AGAP1: variants seen among roughly 807,000 people sequenced by gnomAD.
AGAP1 encodes the protein ArfGAP with GTPase domain, ankyrin repeat and PH domain 1.
In AGAP1, 29 loss-of-function variants were observed where a neutral mutation model predicts 105.3. That is an observed-to-expected ratio of 0.28 (90% confidence interval 0.21 to 0.38). The LOEUF (loss-of-function observed/expected upper bound fraction) is 0.38, where lower values mean the gene tolerates loss of function less well. AGAP1 is among the 10% of genes least tolerant of loss of function. The pLI, the probability that AGAP1 is intolerant of heterozygous loss-of-function variation, is 1.00. For missense variants in AGAP1, 998 were observed against 1,165.1 expected (o/e 0.86, Z 2.09); for synonymous variants, 509 against 485.9 (o/e 1.05, Z -0.63).
At chr2:235,772,824 C>T (rs981462508) in intron 6 of AGAP1, among the ~76,000 whole-genome samples, 3 of 152,212 alleles carry the variant, frequency 2.0e-5, no homozygotes, top group African/African-American at 7.2e-5. Context: ...GCAAGCGGGT[C>T]TCTCTCTGAC....
chr2:235,947,636 C>A (rs2053556941), intron 12 of AGAP1, among the ~76,000 whole-genome samples: 1 of 152,132 alleles, frequency 6.6e-6, no homozygotes, highest in Non-Finnish European at 1.5e-5. Flanking sequence ...TGTCATCTCC[C>A]CCCGACCAGA....
At chr2:235,774,518 C>A in intron 6 of AGAP1, 1 of 334,066 alleles carries the variant, frequency 3.0e-6, no homozygotes, top group Non-Finnish European at 6.2e-6. Flanking sequence ...AGTGTAGTAG[C>A]CTAAAAATTG....
chr2:235,495,771 C>T (rs761511075), intron 1 of AGAP1, among the ~76,000 whole-genome samples: 2 of 152,226 alleles, frequency 1.3e-5, no homozygotes, highest in Admixed American at 6.5e-5. Flanking sequence ...GGCCAAGACT[C>T]ACCTGGGGCA....
chr2:235,926,654 G>C (rs1446616756), intron 11 of AGAP1, among the ~76,000 whole-genome samples: 1 of 152,186 alleles, frequency 6.6e-6, no homozygotes, highest in Non-Finnish European at 1.5e-5. Context: ...ATAGTGAATG[G>C]GTATATTTTG....
chr2:236,034,594 A>G (rs574800685), intron 13 of AGAP1, among the ~76,000 whole-genome samples: 2 of 152,048 alleles, frequency 1.3e-5, no homozygotes, highest in African/African-American at 4.8e-5. Flanking sequence ...TGAGAGCACA[A>G]AGGACACCCC....
intron 6 of AGAP1, among the ~76,000 whole-genome samples, chr2:235,790,888 A>G (rs1324028763): frequency 2.6e-5 from 4 of 152,220 alleles, no homozygotes; most frequent in Non-Finnish European, 5.9e-5. Flanking sequence ...ACTCTTTAGT[A>G]GACGGCACAG....
chr2:235,762,955 T>C (rs924555475), intron 6 of AGAP1, among the ~76,000 whole-genome samples: 2 of 152,082 alleles, frequency 1.3e-5, no homozygotes, highest in Admixed American at 6.5e-5. Context: ...AGAAGAAAGA[T>C]GATTTTTAAA....
Position 235,750,594 on chromosome 2 carries a change from C to T in AGAP1, c.673+106C>T, listed in dbSNP as rs568109133. 272 of 1,524,658 alleles carry T rather than the reference C, an allele frequency of 1.8e-4. 4 individuals are homozygous for T. The East Asian group carries it at 2.6e-3, about 15-fold the overall frequency. The allele number at this position is 1,524,658 out of a possible 1,614,324, so 94.4% of individuals were successfully genotyped here. On this transcript the variant is annotated intron_variant, in intron 6 of 17. Coordinates refer to ENST00000304032, the MANE Select transcript of AGAP1 (RefSeq NM_001037131.3). This position sits in a 1 kb window ranked among gnomAD's most constrained non-coding sequence, Gnocchi z 5.3. ...GTGCATGTGGGTGGTGGAAATATGTCGTTGATGGGTGGGCATTAGTATCGA... is the reference window on the plus strand; with the variant it reads ...GTGCATGTGGGTGGTGGAAATATGTTGTTGATGGGTGGGCATTAGTATCGA...
intron 9 of AGAP1, among the ~76,000 whole-genome samples, chr2:235,878,688 C>G (rs970637420): frequency 3.6e-4 from 55 of 152,348 alleles, no homozygotes; most frequent in African/African-American, 1.0e-3. Flanking sequence ...CTCATCTGCT[C>G]TCACTCCAAG....
rs147915377 is a variant in AGAP1, at chr2:236,011,427, C to T, written c.1646-25134C>T. ...GGGATTTCATGTCCATTGAGATTCG[C>T]GTATGTGTTTTTAAACATGTAAGAC... On this transcript the variant is annotated intron_variant, in intron 13 of 17. Transcript: ENST00000304032. Among the ~76,000 whole-genome samples the T allele has an allele frequency of 6.9e-3, 1,051 of 152,234 alleles. 33 individuals are homozygous for T. Among genetic ancestry groups the T allele is most frequent in the Admixed American group, 0.057 (868 of 15,296 alleles).
chr2:235,502,299 A>G (rs1941593548), intron 1 of AGAP1, among the ~76,000 whole-genome samples: 1 of 152,150 alleles, frequency 6.6e-6, no homozygotes, highest in South Asian at 2.1e-4. Flanking sequence ...TCGTTAATGG[A>G]TTCTTTGAGT....
At chr2:235,947,444 A>G (rs1417739939) in intron 12 of AGAP1, among the ~76,000 whole-genome samples, 4 of 152,172 alleles carry the variant, frequency 2.6e-5, no homozygotes, top group Admixed American at 6.5e-5. Flanking sequence ...ATAATTATAT[A>G]TACATATATA....
chr2:235,662,992 C>T lies in AGAP1; in HGVS notation c.164-46187C>T, dbSNP rs1948010969. Among the ~76,000 whole-genome samples, 1 of 152,192 alleles carries T rather than the reference C, an allele frequency of 6.6e-6. No individual in the cohort carries two copies. ...CAGCAGCCCCTGATGTGTTTTCCTT[C>T]AAGCCTGGGGAACACCGAGCTAGGG... On this transcript the variant is annotated intron_variant, in intron 1 of 17. Coordinates refer to ENST00000304032, the MANE Select transcript of AGAP1 (RefSeq NM_001037131.3). This position sits in a 1 kb window ranked among gnomAD's most constrained non-coding sequence, Gnocchi z 4.2.
chr2:235,752,530 G>A lies in AGAP1; in HGVS notation c.673+2042G>A, dbSNP rs1011672434. Among the ~76,000 whole-genome samples the A allele has an allele frequency of 2.6e-5, 4 of 152,176 alleles. No individual in the cohort carries two copies. Among genetic ancestry groups the A allele is most frequent in the African/African-American group, 9.7e-5 (4 of 41,442 alleles). On this transcript the variant is annotated intron_variant, in intron 6 of 17. Coordinates refer to ENST00000304032, the MANE Select transcript of AGAP1 (RefSeq NM_001037131.3). The surrounding 1 kb of genome is among the most constrained non-coding windows in gnomAD (Gnocchi z 4.3). ...CCACGCTTTGTGTCGATGGGCTGCA[G>A]CGGGTTTGGGCCCCTCTCCAGCTGT...
Position 236,104,143 on chromosome 2 carries a change from A to G in AGAP1, c.2115-16049A>G, listed in dbSNP as rs180734269. Among the ~76,000 whole-genome samples, 62 of 152,196 alleles carry G rather than the reference A, an allele frequency of 4.1e-4. No homozygotes were observed. The East Asian group carries it at 5.8e-3, about 14-fold the overall frequency. ...AGTGGGTCTGCCCCAGGAGCCCCGC[A>G]AGGCGGGAGGCCTGTGTAAAGGCCT... On this transcript the variant is annotated intron_variant, in intron 16 of 17. Coordinates refer to ENST00000304032, the MANE Select transcript of AGAP1 (RefSeq NM_001037131.3). This position sits in a 1 kb window ranked among gnomAD's most constrained non-coding sequence, Gnocchi z 4.7.
intron 10 of AGAP1, among the ~76,000 whole-genome samples, chr2:235,886,103 A>G (rs2050262883): frequency 1.3e-5 from 2 of 152,162 alleles, no homozygotes; most frequent in African/African-American, 4.8e-5. Context: ...GCGAGGCACC[A>G]GGTCTTCCCT....
At chr2:235,619,722 G>T (rs1392076128) in intron 1 of AGAP1, among the ~76,000 whole-genome samples, 4 of 152,202 alleles carry the variant, frequency 2.6e-5, no homozygotes, top group African/African-American at 9.6e-5. Context: ...TTGCCAAGAG[G>T]CGGCCAGCTG....
At position 235,665,880 on chromosome 2, in the gene AGAP1, C is replaced by T. The variant is rs1948110775; in HGVS notation, c.164-43299C>T. Among the ~76,000 whole-genome samples the T allele has an allele frequency of 6.6e-6, 1 of 152,216 alleles. No homozygotes were observed. The highest frequency in any genetic ancestry group is 1.5e-5 in the Non-Finnish European group (1 of 68,042). On this transcript the variant is annotated intron_variant, in intron 1 of 17. Transcript: ENST00000304032. The surrounding 1 kb of genome is among the most constrained non-coding windows in gnomAD (Gnocchi z 5.3). ...CCTGTGTAGCAGATGGCTCTGCTGA[C>T]TGGCTACCAGAAGTTTCCTTTAAAT...
chr2:235,540,148 CTTTTTT>C (rs535395155), intron 1 of AGAP1, among the ~76,000 whole-genome samples: 1 of 129,110 alleles, frequency 7.7e-6, no homozygotes, highest in African/African-American at 3.0e-5. Context: ...CCTCTCTCCT[CTTTTTT>C]TTTTTTTTTT....
Sources: gnomAD v4.1 joint callset for allele counts (sites outside exome capture counted in the v4.1 genomes callset) on GRCh38, gnomAD v4.1.1 for gene constraint, Gnocchi (gnomAD v3.1) non-coding constraint, MANE v1.5 for transcripts, NCBI Gene and HGNC (gene_info 2026-07-23, HGNC 2026-07-21) for gene names.